Variants in ESRRG observed in about 807,000 individuals in gnomAD.
ESRRG encodes the protein estrogen related receptor gamma, also known as estrogen-related receptor gamma.
In ESRRG, 13 loss-of-function variants were observed where a neutral mutation model predicts 44.0. The observed-to-expected ratio is 0.30, with a 90% confidence interval of 0.19 to 0.47. ESRRG has a LOEUF of 0.47. Ranked by LOEUF, ESRRG falls within the 20% of genes least tolerant of loss-of-function variation. The pLI is 1.00. For synonymous variants in ESRRG, 215 were observed against 214.6 expected, an observed-to-expected ratio of 1.00 and a Z score of -0.02; for missense variants, 395 against 580.6, an observed-to-expected ratio of 0.68 and a Z score of 3.29.
chr1:216,833,189 A>G lies in ESRRG; in HGVS notation c.-14+106393T>C, dbSNP rs114886608. On this transcript the variant is annotated intron_variant, in intron 2 of 7. Coordinates refer to the ESRRG transcript ENST00000359162. ...TGCTCAAGAAATTACCTATGGATTG[A>G]CCGTTCTGCAAGGAAAATTGCATAT... Among the ~76,000 whole-genome samples, 1,507 of 151,316 alleles carry G rather than the reference A, an allele frequency of 1.0e-2. 18 individuals are homozygous for G. Among genetic ancestry groups the G allele is most frequent in the African/African-American group, 0.035 (1,434 of 40,952 alleles).
chr1:216,736,293 C>T (rs1207606596), intron 2 of ESRRG, among the ~76,000 whole-genome samples: 1 of 150,550 alleles, frequency 6.6e-6, no homozygotes, highest in Non-Finnish European at 1.5e-5. Flanking sequence ...CGCCATTCTC[C>T]TGCCTCAGCC....
intron 2 of ESRRG, among the ~76,000 whole-genome samples, chr1:216,877,783 A>AT (rs2096381245): frequency 1.3e-5 from 2 of 151,678 alleles, no homozygotes; most frequent in African/African-American, 4.8e-5. Flanking sequence ...ATGTTTCCTT[A>AT]TTTTTTTCAT....
At chr1:216,526,832 A>C (rs1419353263) in intron 5 of ESRRG, among the ~76,000 whole-genome samples, 1 of 152,174 alleles carries the variant, frequency 6.6e-6, no homozygotes. Flanking sequence ...TAGACCTAGA[A>C]TTGGGTGCCA....
chr1:217,126,191 G>A (rs751138465), intron 1 of ESRRG, among the ~76,000 whole-genome samples: 8 of 152,038 alleles, frequency 5.3e-5, no homozygotes, highest in Non-Finnish European at 1.2e-4. Flanking sequence ...TTCAAAATAT[G>A]TTTCTTTACC....
chr1:216,581,364 C>A (rs990319220), intron 3 of ESRRG, among the ~76,000 whole-genome samples: 4 of 152,038 alleles, frequency 2.6e-5, no homozygotes, highest in Non-Finnish European at 4.4e-5. Flanking sequence ...GTACATATAT[C>A]CACACACAGG....
intron 2 of ESRRG, among the ~76,000 whole-genome samples, chr1:216,929,761 T>C (rs919343787): frequency 3.9e-5 from 6 of 152,140 alleles, no homozygotes; most frequent in African/African-American, 1.2e-4. Flanking sequence ...TTTAGACTTT[T>C]TGTCCTAAAT....
At chr1:216,946,689 C>A (rs541874383) in intron 1 of ESRRG, among the ~76,000 whole-genome samples, 17 of 152,100 alleles carry the variant, frequency 1.1e-4, no homozygotes, top group African/African-American at 3.1e-4. Flanking sequence ...GACCACCCTC[C>A]CCCCATATCT....
chr1:216,821,572 C>A (rs2148616896), intron 2 of ESRRG, among the ~76,000 whole-genome samples: 1 of 151,210 alleles, frequency 6.6e-6, no homozygotes, highest in South Asian at 2.1e-4. Flanking sequence ...GTAGTCCCAG[C>A]TACTCAGGAG....
intron 1 of ESRRG, among the ~76,000 whole-genome samples, chr1:217,073,184 A>C (rs2090788238): frequency 9.0e-6 from 1 of 111,384 alleles, no homozygotes; most frequent in African/African-American, 3.7e-5. Context: ...CCTTGTCTTC[A>C]TTCCTTTCTG....
chr1:217,054,819 A>G (rs1412386917), intron 1 of ESRRG, among the ~76,000 whole-genome samples: 2 of 152,192 alleles, frequency 1.3e-5, no homozygotes, highest in African/African-American at 2.4e-5. Flanking sequence ...ATGAGCTTCA[A>G]AGGAAGCTAC....
At chr1:216,723,554 A>C, upstream of ESRRG, 1 of 503,998 alleles carries the variant, frequency 2.0e-6, no homozygotes, top group Non-Finnish European at 3.5e-6. Flanking sequence ...CCCAATCAGG[A>C]GGGAGGCGAC....
At chr1:216,618,522 T>C (rs1377178687) in intron 3 of ESRRG, among the ~76,000 whole-genome samples, 1 of 152,204 alleles carries the variant, frequency 6.6e-6, no homozygotes, top group African/African-American at 2.4e-5. Flanking sequence ...TATAAATAAG[T>C]AATATGTATA....
At chr1:216,653,868 CT>C (rs2069656531) in intron 2 of ESRRG, among the ~76,000 whole-genome samples, 1 of 151,858 alleles carries the variant, frequency 6.6e-6, no homozygotes, top group African/African-American at 2.4e-5. Flanking sequence ...AATTCCAACA[CT>C]TTGGGAGGCC....
intron 3 of ESRRG, among the ~76,000 whole-genome samples, chr1:216,577,723 T>C (rs2061943682): frequency 6.6e-6 from 1 of 152,118 alleles, no homozygotes. Flanking sequence ...TAGTGGAATA[T>C]AGTAGAGTCT....
intron 5 of ESRRG, among the ~76,000 whole-genome samples, chr1:216,559,071 T>C (rs936301578): frequency 2.6e-5 from 4 of 152,074 alleles, no homozygotes; most frequent in Admixed American, 6.6e-5. Flanking sequence ...GGTTTTGCCA[T>C]GTTGGCCAGC....
chr1:216,786,379 G>A (rs1243290189), intron 2 of ESRRG, among the ~76,000 whole-genome samples: 1 of 152,098 alleles, frequency 6.6e-6, no homozygotes, highest in Non-Finnish European at 1.5e-5. Context: ...GTAAGTACAT[G>A]TAATGGCAAA....
At chr1:217,046,345 T>C (rs2084881632) in intron 1 of ESRRG, among the ~76,000 whole-genome samples, 1 of 152,188 alleles carries the variant, frequency 6.6e-6, no homozygotes, top group Non-Finnish European at 1.5e-5. Context: ...TGAATCCACC[T>C]GCTAGCACTG....
intron 6 of ESRRG, among the ~76,000 whole-genome samples, chr1:216,508,939 C>T (rs2041956017): frequency 1.3e-5 from 2 of 152,102 alleles, no homozygotes; most frequent in African/African-American, 2.4e-5. Flanking sequence ...TACATGAAAA[C>T]AGAGTAATAG....
At chr1:216,583,305 C>CA (rs1189661221) in intron 3 of ESRRG, among the ~76,000 whole-genome samples, 1 of 152,224 alleles carries the variant, frequency 6.6e-6, no homozygotes, top group Non-Finnish European at 1.5e-5. Context: ...CATATGTGTA[C>CA]ACCTACTGAA....
Sources: gnomAD v4.1 joint callset for allele counts (sites outside exome capture counted in the v4.1 genomes callset) on GRCh38, gnomAD v4.1.1 for gene constraint, MANE v1.5 for transcripts, NCBI Gene and HGNC (gene_info 2026-07-23, HGNC 2026-07-21) for gene names.